The following FGF14 variants were observed in gnomAD, a reference collection of about 807,000 sequenced individuals.
FGF14 encodes the protein fibroblast growth factor homologous factor 4.
FGF14 carries 5 observed loss-of-function variants against 25.5 expected under a neutral mutation model. That is an observed-to-expected ratio of 0.20 (90% confidence interval 0.10 to 0.41). The LOEUF (loss-of-function observed/expected upper bound fraction) is 0.41. Ranked by LOEUF, FGF14 falls within the 10% of genes least tolerant of loss-of-function variation. FGF14 has a pLI of 1.00. For missense variants in FGF14, 222 were observed against 320.1 expected (o/e 0.69, Z 2.34); for synonymous variants, 138 against 118.3 (o/e 1.17, Z -1.08).
Position 101,714,783 on chromosome 13 carries a change from C to T in FGF14, c.*8048G>A. The T allele has an allele frequency of 1.9e-6, 1 of 521,990 alleles. No individual in the cohort carries two copies. Among genetic ancestry groups the T allele is most frequent in the Non-Finnish European group, 3.4e-6 (1 of 293,110 alleles). 32.3% of individuals were successfully genotyped at this position (521,990 alleles called of 1,614,324 possible). A position where few individuals can be genotyped will look rare whatever the true frequency, so the allele number is the denominator to read the frequency against. On this transcript the variant is annotated 3_prime_UTR_variant, in exon 5 of 5. Transcript: ENST00000376143. ...GCTAAATTTTGTGATTATTTGGGATCCTTCCACAAAGTAACCTCCCCACCC... is the reference window on the plus strand; with the variant it reads ...GCTAAATTTTGTGATTATTTGGGATTCTTCCACAAAGTAACCTCCCCACCC...
chr13:102,319,278 A>C (rs2056153742), intron 1 of FGF14, among the ~76,000 whole-genome samples: 1 of 152,242 alleles, frequency 6.6e-6, no homozygotes, highest in African/African-American at 2.4e-5. Context: ...GATGGACTAC[A>C]TCTAGATGCA....
chr13:102,032,619 C>A lies in FGF14; in HGVS notation c.209-157323G>T, dbSNP rs1296735041. Among the ~76,000 whole-genome samples, 3 of 152,218 alleles carry A rather than the reference C, an allele frequency of 2.0e-5. No individual in the cohort carries two copies. The East Asian group carries it at 5.8e-4, about 29-fold the overall frequency. On this transcript the variant is annotated intron_variant, in intron 1 of 4. Coordinates refer to the FGF14 transcript ENST00000376131. ...TGGTTTGTGTCCTTTAATGCTTATA[C>A]CCCAGTAGGGCTGCACTATGTGGGC... is the stretch of plus-strand genomic sequence containing the variant.
intron 1 of FGF14, among the ~76,000 whole-genome samples, chr13:102,343,213 T>C (rs1005365827): frequency 6.6e-6 from 1 of 152,072 alleles, no homozygotes; most frequent in Admixed American, 6.6e-5. Context: ...AATAAGAGCT[T>C]AGGGTCTAAG....
chr13:101,999,163 A>G (rs2139719653), intron 1 of FGF14, among the ~76,000 whole-genome samples: 1 of 152,346 alleles, frequency 6.6e-6, no homozygotes, highest in Non-Finnish European at 1.5e-5. Context: ...TACTCATTTT[A>G]TAATTTAACA....
intron 1 of FGF14, among the ~76,000 whole-genome samples, chr13:102,152,512 C>T (rs616067): frequency 0.026 from 3,987 of 152,230 alleles, 173 homozygotes; most frequent in African/African-American, 0.091. Context: ...TTAAAGCCTA[C>T]GCTGGTGACC....
intron 3 of FGF14, among the ~76,000 whole-genome samples, chr13:101,825,367 A>G (rs1269358499): frequency 6.6e-6 from 1 of 152,238 alleles, no homozygotes; most frequent in Middle Eastern, 3.2e-3. Flanking sequence ...TACTAAGAGA[A>G]GAAATGGTTT....
chr13:101,925,075 AGAG>A (rs1317201187), intron 1 of FGF14, among the ~76,000 whole-genome samples: 2 of 152,224 alleles, frequency 1.3e-5, no homozygotes, highest in Non-Finnish European at 2.9e-5. Flanking sequence ...CGAAAACTGT[AGAG>A]GAGGGCAAAG....
At chr13:102,033,525 G>A (rs1036247925) in intron 1 of FGF14, among the ~76,000 whole-genome samples, 4 of 151,862 alleles carry the variant, frequency 2.6e-5, no homozygotes, top group African/African-American at 7.3e-5. Context: ...ACTCATGCAC[G>A]CATACTCAAT....
intron 1 of FGF14, among the ~76,000 whole-genome samples, chr13:102,188,041 A>T (rs1051690993): frequency 2.0e-5 from 3 of 152,178 alleles, no homozygotes; most frequent in African/African-American, 7.2e-5. Flanking sequence ...TAGAGTGCTT[A>T]TTTTCTGGAA....
At chr13:101,930,243 A>T (rs1023738935) in intron 1 of FGF14, among the ~76,000 whole-genome samples, 2 of 152,228 alleles carry the variant, frequency 1.3e-5, no homozygotes, top group African/African-American at 4.8e-5. Context: ...TTCCTTGAAA[A>T]ATCAAGGTTG....
At chr13:101,781,600 T>C (rs1286616464) in intron 3 of FGF14, among the ~76,000 whole-genome samples, 1 of 152,212 alleles carries the variant, frequency 6.6e-6, no homozygotes, top group African/African-American at 2.4e-5. Flanking sequence ...TTCATTCTCA[T>C]TTTAGAGCTG....
At chr13:102,260,454 A>T (rs2052665512) in intron 1 of FGF14, among the ~76,000 whole-genome samples, 1 of 152,228 alleles carries the variant, frequency 6.6e-6, no homozygotes, top group African/African-American at 2.4e-5. Flanking sequence ...TGGGCTCCCT[A>T]GAGCCTCTCT....
intron 1 of FGF14, chr13:102,002,175 G>A (rs189432892): frequency 9.2e-4 from 140 of 152,168 alleles, no homozygotes; most frequent in African/African-American, 3.1e-3. Context: ...ATTCTGTAAC[G>A]CCTCAAGATT....
At chr13:101,831,457 T>C (rs1594409341) in intron 3 of FGF14, among the ~76,000 whole-genome samples, 1 of 152,012 alleles carries the variant, frequency 6.6e-6, no homozygotes. Context: ...ATACGCTTCA[T>C]GAATATTTCC....
intron 3 of FGF14, among the ~76,000 whole-genome samples, chr13:101,823,530 C>G (rs951385330): frequency 6.6e-6 from 1 of 150,716 alleles, no homozygotes; most frequent in South Asian, 2.1e-4. Flanking sequence ...CACCGCCTCC[C>G]AGGTTCAAGC....
At chr13:101,823,973 CTA>C in intron 3 of FGF14, among the ~76,000 whole-genome samples, 1 of 151,728 alleles carries the variant, frequency 6.6e-6, no homozygotes, top group East Asian at 1.9e-4. Flanking sequence ...CTACATAATT[CTA>C]TGTTCTGTTA....
intron 3 of FGF14, among the ~76,000 whole-genome samples, chr13:101,867,064 T>C (rs1407220361): frequency 6.6e-6 from 1 of 152,082 alleles, no homozygotes; most frequent in Non-Finnish European, 1.5e-5. Context: ...AAGCCTTAAA[T>C]TGTTCCCGGG....
At chr13:101,809,375 T>C (rs2041371317) in intron 3 of FGF14, among the ~76,000 whole-genome samples, 1 of 152,182 alleles carries the variant, frequency 6.6e-6, no homozygotes, top group African/African-American at 2.4e-5. Flanking sequence ...GTCCTATCTG[T>C]AGATGCTATC....
intron 1 of FGF14, among the ~76,000 whole-genome samples, chr13:102,053,055 T>C (rs750109237): frequency 6.6e-6 from 1 of 151,926 alleles, no homozygotes; most frequent in Non-Finnish European, 1.5e-5. Flanking sequence ...AAACCAATAG[T>C]AGATGCACAA....
Sources: gnomAD v4.1 joint callset for allele counts (sites outside exome capture counted in the v4.1 genomes callset) on GRCh38, gnomAD v4.1.1 for gene constraint, MANE v1.5 for transcripts, NCBI Gene and HGNC (gene_info 2026-07-23, HGNC 2026-07-21) for gene names.